The following BCAT1 variants were observed in gnomAD, a reference collection of about 807,000 sequenced individuals.
The protein encoded by BCAT1 is branched-chain-amino-acid aminotransferase, cytosolic.
A neutral mutation model predicts 52.4 loss-of-function variants in BCAT1; 48 were observed. The observed-to-expected ratio is 0.92, with a 90% CI of 0.73 to 1.16. The LOEUF (loss-of-function observed/expected upper bound fraction) is 1.16. BCAT1 is among the 50% of genes most tolerant of loss of function. BCAT1 has a pLI of 0.00. For missense variants in BCAT1, 451 were observed against 457.1 expected (o/e 0.99, Z 0.12); for synonymous variants, 167 against 161.3 (o/e 1.04, Z -0.27).
intron 1 of BCAT1, among the ~76,000 whole-genome samples, chr12:24,947,291 CACTT>C (rs1481692656): frequency 2.0e-5 from 3 of 152,132 alleles, no homozygotes; most frequent in South Asian, 2.1e-4. Context: ...TCATAATACT[CACTT>C]ACCATTTTTG....
At chr12:24,855,327 A>C (rs1941644005) in intron 5 of BCAT1, among the ~76,000 whole-genome samples, 1 of 137,928 alleles carries the variant, frequency 7.3e-6, no homozygotes, top group Non-Finnish European at 1.5e-5. Flanking sequence ...AAAAAGAAAG[A>C]AAAAAAAAAG....
In BCAT1 at chr12:24,811,701, G is replaced by T. The variant is rs1406981958; in HGVS notation, c.*6307C>A. 2.6e-5 allele frequency: 4 copies of T among 152,066 alleles called. No homozygotes were observed. The highest frequency in any genetic ancestry group is 2.9e-5 in the Non-Finnish European group (2 of 67,960). 9.4% of individuals were successfully genotyped at this position (152,066 alleles called of 1,614,324 possible). ...AAAAGCCAAGCCTCATTTACAAAGGGTTTATTTCTTTCTACTCAATTTTTC... is the reference window on the plus strand; with the variant it reads ...AAAAGCCAAGCCTCATTTACAAAGGTTTTATTTCTTTCTACTCAATTTTTC... On this transcript the variant is annotated 3_prime_UTR_variant, in exon 11 of 11. Coordinates refer to ENST00000261192, the MANE Select transcript of BCAT1 (RefSeq NM_005504.7).
intron 10 of BCAT1, among the ~76,000 whole-genome samples, chr12:24,820,399 G>GT (rs1940065212): frequency 6.6e-6 from 1 of 152,162 alleles, no homozygotes; most frequent in South Asian, 2.1e-4. Context: ...ATAATTCTAA[G>GT]TAGAGATGGC....
chr12:24,903,302 G>A, intron 1 of BCAT1: 1 of 357,212 alleles, frequency 2.8e-6, no homozygotes. Context: ...TCCAAGCGCA[G>A]ATATTTCGCG....
intron 5 of BCAT1, among the ~76,000 whole-genome samples, chr12:24,876,400 T>G (rs1252127856): frequency 1.3e-5 from 2 of 152,012 alleles, no homozygotes; most frequent in African/African-American, 4.8e-5. Context: ...AATGACCAAG[T>G]AGGATTTAGC....
chr12:24,877,434 G>T (rs1245727047), intron 5 of BCAT1, among the ~76,000 whole-genome samples: 2 of 152,118 alleles, frequency 1.3e-5, no homozygotes, highest in Non-Finnish European at 2.9e-5. Flanking sequence ...CGCTCAAAAG[G>T]CCTTGGCCCC....
chr12:24,887,987 A>G (rs1205504599), intron 3 of BCAT1, among the ~76,000 whole-genome samples: 2 of 152,212 alleles, frequency 1.3e-5, no homozygotes, highest in Non-Finnish European at 2.9e-5. Flanking sequence ...GTTCAAGGAT[A>G]TTACTCCTAT....
At chr12:24,902,119 C>T (rs1943122356) in intron 1 of BCAT1, 4 of 1,462,444 alleles carry the variant, frequency 2.7e-6, no homozygotes, top group Non-Finnish European at 3.6e-6. Context: ...TGTCCTCCTC[C>T]GCCGGCTCAG....
At position 24,879,042 on chromosome 12, in the gene BCAT1, A is replaced by T. The variant is rs891332526; in HGVS notation, c.391-393T>A. On this transcript the variant is annotated intron_variant, in intron 4 of 10. Coordinates refer to ENST00000261192, the MANE Select transcript of BCAT1 (RefSeq NM_005504.7). ...CTACATCTTACCATACCCCCCAATC[A>T]ATTCTAATTAGATGATATACTTAAA... is the stretch of plus-strand genomic sequence containing the variant. Among the ~76,000 whole-genome samples the T allele has an allele frequency of 9.8e-5, 15 of 152,312 alleles. 1 individual carries two copies. In the East Asian group the frequency reaches 1.2e-3, roughly 12 times the overall value.
Position 24,887,065 on chromosome 12 carries a change from A to AAT in BCAT1, c.280-5655_280-5654insAT, listed in dbSNP as rs1448876687. On this transcript the variant is annotated intron_variant, in intron 3 of 10. Coordinates refer to ENST00000261192, the MANE Select transcript of BCAT1 (RefSeq NM_005504.7). ...AAGAACGAGAGAGATGCTAGCTAAA[A>AAT]AAAAAAAAAAAAAAAATATATATAT... is the stretch of plus-strand genomic sequence containing the variant. Among the ~76,000 whole-genome samples the AAT allele has an allele frequency of 1.1e-3, 91 of 85,578 alleles. 2 individuals carry two copies. The highest frequency in any genetic ancestry group is 4.0e-3 in the African/African-American group (82 of 20,744). 56.1% of individuals were successfully genotyped at this position (85,578 alleles called of 152,430 possible). A position where few individuals can be genotyped will look rare whatever the true frequency, so the allele number is the denominator to read the frequency against.
chr12:24,902,650 T>G, intron 1 of BCAT1: 1 of 482,328 alleles, frequency 2.1e-6, no homozygotes, highest in Non-Finnish European at 3.5e-6. Context: ...TCAGAGCGAG[T>G]CCATAGCTAC....
intron 5 of BCAT1, among the ~76,000 whole-genome samples, chr12:24,873,051 G>T (rs1942226423): frequency 6.6e-6 from 1 of 152,196 alleles, no homozygotes; most frequent in Non-Finnish European, 1.5e-5. Context: ...ACATGTGTTT[G>T]TACCACTGTA....
At chr12:24,903,040 C>T in intron 1 of BCAT1, 4 of 1,396,978 alleles carry the variant, frequency 2.9e-6, no homozygotes, top group Non-Finnish European at 3.7e-6. Context: ...GCACGGAGCG[C>T]GCGGCTGGAA....
intron 5 of BCAT1, among the ~76,000 whole-genome samples, chr12:24,862,709 T>A (rs1353114705): frequency 6.6e-6 from 1 of 152,190 alleles, no homozygotes; most frequent in Non-Finnish European, 1.5e-5. Flanking sequence ...CCCGTTCTCT[T>A]TTCCCCTCTC....
intron 5 of BCAT1, among the ~76,000 whole-genome samples, chr12:24,853,431 A>C (rs1244785351): frequency 6.6e-6 from 1 of 152,184 alleles, no homozygotes; most frequent in East Asian, 1.9e-4. Flanking sequence ...TGGGAACAAT[A>C]AACACTAGGG....
intron 1 of BCAT1, among the ~76,000 whole-genome samples, chr12:24,913,165 A>T (rs1943356855): frequency 6.6e-6 from 1 of 152,236 alleles, no homozygotes; most frequent in Non-Finnish European, 1.5e-5. Context: ...AAAAAATACC[A>T]GTTTTCAGAA....
intron 1 of BCAT1, among the ~76,000 whole-genome samples, chr12:24,905,423 A>T (rs1397908815): frequency 6.6e-6 from 1 of 152,250 alleles, no homozygotes; most frequent in African/African-American, 2.4e-5. Context: ...CCTGACCTTC[A>T]GATTTTACTT....
intron 3 of BCAT1, among the ~76,000 whole-genome samples, chr12:24,888,630 CAG>C (rs1942749126): frequency 6.6e-6 from 1 of 152,188 alleles, no homozygotes; most frequent in Non-Finnish European, 1.5e-5. Context: ...AACAGGTAAA[CAG>C]GGAATGAAAT....
intron 3 of BCAT1, among the ~76,000 whole-genome samples, chr12:24,883,946 C>T (rs868510792): frequency 1.6e-4 from 25 of 152,152 alleles, no homozygotes; most frequent in Admixed American, 7.9e-4. Context: ...TCCTACAGTG[C>T]GATCCAGTAC....
Sources: allele counts gnomAD v4.1 joint callset (sites outside exome capture counted in the v4.1 genomes callset), GRCh38; gene constraint gnomAD v4.1.1; transcripts MANE v1.5; gene names NCBI Gene and HGNC (gene_info 2026-07-23, HGNC 2026-07-21).